TRERF1: variants seen among roughly 807,000 people sequenced by gnomAD.
The protein encoded by TRERF1 is transcriptional regulating factor 1.
Under a neutral mutation model 122.9 loss-of-function variants are expected in TRERF1, and 27 were observed. That is an observed-to-expected ratio of 0.22 (90% CI 0.16 to 0.30). TRERF1 has a LOEUF of 0.30. Among genes scored for constraint, TRERF1 ranks in the 10% least tolerant of loss-of-function variants. TRERF1 has a pLI of 1.00. For missense variants in TRERF1, 1,248 were observed against 1,560.3 expected (o/e 0.80, Z 3.37); for synonymous variants, 636 against 641.7 (o/e 0.99, Z 0.13).
At chr6:42,242,193 C>T (rs528426196) in intron 15 of TRERF1, among the ~76,000 whole-genome samples, 1 of 152,302 alleles carries the variant, frequency 6.6e-6, no homozygotes, top group African/African-American at 2.4e-5. Context: ...GGCCAATTTG[C>T]TTAAGCTCTG....
At chr6:42,236,843 G>GAC (rs1188900483) in intron 15 of TRERF1, among the ~76,000 whole-genome samples, 1 of 152,190 alleles carries the variant, frequency 6.6e-6, no homozygotes, top group Non-Finnish European at 1.5e-5. Context: ...CCCCCTTGGA[G>GAC]AGAGACTAAA....
chr6:42,323,500 C>T (rs1252946612), intron 3 of TRERF1, among the ~76,000 whole-genome samples: 1 of 152,056 alleles, frequency 6.6e-6, no homozygotes, highest in Non-Finnish European at 1.5e-5. Flanking sequence ...CCTGGCCTCC[C>T]CCAGTTTTCA....
intron 3 of TRERF1, among the ~76,000 whole-genome samples, chr6:42,354,372 A>G (rs759428748): frequency 3.6e-5 from 5 of 140,572 alleles, no homozygotes; most frequent in African/African-American, 5.9e-5. Flanking sequence ...GTCTTTCCCC[A>G]GTCTGTTGTT....
exon 16 of TRERF1, chr6:42,236,298 G>A (rs369538730): frequency 1.7e-4 from 276 of 1,610,632 alleles, no homozygotes; most frequent in Non-Finnish European, 2.1e-4. Flanking sequence ...GGACGGGGAC[G>A]GGTGGTGGCT....
chr6:42,396,974 A>G (rs1207016066), intron 2 of TRERF1, among the ~76,000 whole-genome samples: 27 of 152,176 alleles, frequency 1.8e-4, no homozygotes, highest in Non-Finnish European at 4.4e-5. Flanking sequence ...CCTTGCAGAC[A>G]AGGAACACTG....
At chr6:42,314,134 CA>C (rs1333342772) in intron 3 of TRERF1, among the ~76,000 whole-genome samples, 1 of 151,888 alleles carries the variant, frequency 6.6e-6, no homozygotes, top group Non-Finnish European at 1.5e-5. Context: ...TAACTGAAGA[CA>C]AACTAATTAC....
At chr6:42,315,900 C>A (rs192984427) in intron 3 of TRERF1, among the ~76,000 whole-genome samples, 1 of 152,122 alleles carries the variant, frequency 6.6e-6, no homozygotes, top group East Asian at 1.9e-4. Context: ...GGGTGCTCTC[C>A]TTTCAGGGGA....
chr6:42,336,042 GT>G (rs1245336700), intron 3 of TRERF1, among the ~76,000 whole-genome samples: 1 of 152,194 alleles, frequency 6.6e-6, no homozygotes, highest in Non-Finnish European at 1.5e-5. Flanking sequence ...TGAATTTCAA[GT>G]TGTATTTCAC....
chr6:42,263,271 G>T lies in TRERF1; in HGVS notation c.1884+49C>A, dbSNP rs777951720. 2.6e-6 allele frequency: 4 copies of T among 1,553,408 alleles called. No homozygotes were observed. Among genetic ancestry groups the T allele is most frequent in the Non-Finnish European group, 3.5e-6 (4 of 1,144,316 alleles). On this transcript the variant is annotated intron_variant, in intron 8 of 17. Coordinates refer to ENST00000372922, the Ensembl canonical transcript of TRERF1. This position sits in a 1 kb window ranked among gnomAD's most constrained non-coding sequence, Gnocchi z 5.6. Reference sequence around the variant, plus strand: ...GAGCAGCAACTCACAGCAGGCGTGCGGGGGGCAGCCCCTTGGGGTGAGTGT... The same window carrying T: ...GAGCAGCAACTCACAGCAGGCGTGCTGGGGGCAGCCCCTTGGGGTGAGTGT...
rs1306726124 is a variant in TRERF1, at chr6:42,291,401, G to C, written c.-259+9237C>G. 2.0e-5 allele frequency among the ~76,000 whole-genome samples: 3 copies of C among 147,516 alleles called. No individual in the cohort carries two copies. The East Asian group carries it at 6.2e-4, about 30-fold the overall frequency. ...TCCTAGCAAACTTCAACGCTCTAGTGTTTAGCCATGAACTTGGAAGTGTGA... is the reference window on the plus strand; with the variant it reads ...TCCTAGCAAACTTCAACGCTCTAGTCTTTAGCCATGAACTTGGAAGTGTGA... On this transcript the variant is annotated intron_variant, in intron 4 of 17. Coordinates refer to ENST00000372922, the Ensembl canonical transcript of TRERF1.
chr6:42,411,725 A>C (rs1781119777), intron 2 of TRERF1, among the ~76,000 whole-genome samples: 1 of 152,164 alleles, frequency 6.6e-6, no homozygotes, highest in Non-Finnish European at 1.5e-5. Flanking sequence ...ATGGGTGTGC[A>C]CCACTCAGCC....
At chr6:42,344,549 C>T (rs966564579) in intron 3 of TRERF1, among the ~76,000 whole-genome samples, 1 of 152,152 alleles carries the variant, frequency 6.6e-6, no homozygotes, top group African/African-American at 2.4e-5. Context: ...CTGTTAACAA[C>T]TAACACAGGA....
At chr6:42,310,609 T>C (rs1382046465) in intron 3 of TRERF1, among the ~76,000 whole-genome samples, 3 of 152,172 alleles carry the variant, frequency 2.0e-5, no homozygotes, top group African/African-American at 4.8e-5. Context: ...CTGGAAGGCA[T>C]GGGACAGCCC....
chr6:42,407,880 A>G (rs1358228946), intron 2 of TRERF1, among the ~76,000 whole-genome samples: 3 of 150,690 alleles, frequency 2.0e-5, no homozygotes, highest in African/African-American at 7.3e-5. Flanking sequence ...AAGCGATTCC[A>G]TATTCTTGTC....
At chr6:42,390,693 G>A (rs1412570397) in intron 2 of TRERF1, among the ~76,000 whole-genome samples, 1 of 152,192 alleles carries the variant, frequency 6.6e-6, no homozygotes, top group African/African-American at 2.4e-5. Flanking sequence ...CCTCAGGAAA[G>A]TACAGCCAAA....
At chr6:42,236,469 T>C (rs1772219578) in intron 15 of TRERF1, 58 bp from the exon 16 acceptor site, 2 of 1,529,652 alleles carry the variant, frequency 1.3e-6, no homozygotes, top group Non-Finnish European at 1.8e-6. Context: ...TTCTTAGTGA[T>C]GAACAGAACT....
chr6:42,233,618 C>T (rs1412550684), intron 16 of TRERF1, among the ~76,000 whole-genome samples: 1 of 152,140 alleles, frequency 6.6e-6, no homozygotes, highest in Non-Finnish European at 1.5e-5. Flanking sequence ...CTACCTCCTT[C>T]TTTTCCTCCC....
chr6:42,416,053 A>C (rs909686746), intron 2 of TRERF1, among the ~76,000 whole-genome samples: 4 of 152,062 alleles, frequency 2.6e-5, no homozygotes, highest in African/African-American at 9.7e-5. Flanking sequence ...TAGATATTTT[A>C]TCTCTTCTGT....
chr6:42,413,368 T>C (rs1215364252), intron 2 of TRERF1, among the ~76,000 whole-genome samples: 1 of 151,762 alleles, frequency 6.6e-6, no homozygotes. Context: ...GTAGACCCCA[T>C]CTGGAGCTGG....
Sources: gnomAD v4.1 joint callset for allele counts (sites outside exome capture counted in the v4.1 genomes callset) on GRCh38, gnomAD v4.1.1 for gene constraint, Gnocchi (gnomAD v3.1) non-coding constraint, MANE v1.5 for transcripts, NCBI Gene and HGNC (gene_info 2026-07-23, HGNC 2026-07-21) for gene names.